The following ULK4 variants were observed in gnomAD, a reference collection of about 807,000 sequenced individuals.
ULK4 encodes inactive serine/threonine-protein kinase ULK4.
In ULK4, 133 loss-of-function variants were observed where a neutral mutation model predicts 160.6. That is an observed-to-expected ratio of 0.83 (90% confidence interval 0.72 to 0.96). The LOEUF (loss-of-function observed/expected upper bound fraction) is 0.96. Ranked by LOEUF, ULK4 falls within the 40% of genes least tolerant of loss-of-function variation. The pLI, the probability that ULK4 is intolerant of heterozygous loss-of-function variation, is 0.00. For synonymous variants in ULK4, 534 were observed against 539.8 expected, an observed-to-expected ratio of 0.99 and a Z score of 0.15; for missense variants, 1,580 against 1,499.5, an observed-to-expected ratio of 1.05 and a Z score of -0.89.
intron 32 of ULK4, among the ~76,000 whole-genome samples, chr3:41,480,188 C>A (rs1209592783): frequency 1.7e-5 from 2 of 119,728 alleles, no homozygotes; most frequent in East Asian, 4.7e-4. Context: ...GCCTGGGTGA[C>A]AGAGCGAGAC....
intron 29 of ULK4, among the ~76,000 whole-genome samples, chr3:41,666,446 T>C (rs572579040): frequency 6.6e-5 from 10 of 152,292 alleles, no homozygotes; most frequent in African/African-American, 2.4e-4. Flanking sequence ...TAACCCTTTA[T>C]AGCATACATC....
chr3:41,603,349 C>A (rs767762167), intron 31 of ULK4, among the ~76,000 whole-genome samples: 1 of 151,978 alleles, frequency 6.6e-6, no homozygotes, highest in Non-Finnish European at 1.5e-5. Flanking sequence ...GAAGTACAAA[C>A]TGGGAGAGAG....
At chr3:41,641,917 C>T (rs2125717887) in intron 30 of ULK4, among the ~76,000 whole-genome samples, 1 of 150,328 alleles carries the variant, frequency 6.7e-6, no homozygotes, top group African/African-American at 2.5e-5. Context: ...CTCTTGCTGC[C>T]CAGGCTGGAG....
At chr3:41,743,326 T>C (rs2038303442) in intron 22 of ULK4, among the ~76,000 whole-genome samples, 1 of 149,082 alleles carries the variant, frequency 6.7e-6, no homozygotes, top group Non-Finnish European at 1.5e-5. Flanking sequence ...TTTTAAAGAC[T>C]AAAAAGGAAA....
At chr3:41,504,096 T>C (rs2085300347) in intron 32 of ULK4, among the ~76,000 whole-genome samples, 2 of 152,192 alleles carry the variant, frequency 1.3e-5, no homozygotes, top group South Asian at 4.1e-4. Context: ...AGTATTTAGT[T>C]GGTCAGGTAG....
intron 35 of ULK4, among the ~76,000 whole-genome samples, chr3:41,301,490 C>T (rs28483255): frequency 0.08 from 12,104 of 152,074 alleles, 1,207 homozygotes; most frequent in African/African-American, 0.23. Context: ...AAAGATTTCA[C>T]ACCAATCCTA....
At chr3:41,886,871 C>G (rs1260073948) in intron 16 of ULK4, among the ~76,000 whole-genome samples, 3 of 152,174 alleles carry the variant, frequency 2.0e-5, no homozygotes, top group African/African-American at 7.2e-5. Flanking sequence ...CCGCGCCCAG[C>G]CTGGTGTGAA....
chr3:41,957,851 T>C (rs1222630350), intron 1 of ULK4, among the ~76,000 whole-genome samples: 1 of 151,916 alleles, frequency 6.6e-6, no homozygotes, highest in Non-Finnish European at 1.5e-5. Context: ...CTGGGAAACA[T>C]GGCAACACAT....
chr3:41,843,323 G>A (rs1372363051), intron 17 of ULK4, among the ~76,000 whole-genome samples: 1 of 152,186 alleles, frequency 6.6e-6, no homozygotes, highest in East Asian at 1.9e-4. Flanking sequence ...CAAGGATGAT[G>A]AGAAACAGAA....
intron 18 of ULK4, 46 bp downstream of exon 18, chr3:41,835,818 T>C: frequency 1.4e-6 from 2 of 1,401,574 alleles, no homozygotes; most frequent in South Asian, 1.2e-5. Context: ...AGCCAGAGTA[T>C]GTCAGAACAT....
chr3:41,438,696 G>A (rs943665650), intron 34 of ULK4, among the ~76,000 whole-genome samples: 1 of 151,966 alleles, frequency 6.6e-6, no homozygotes, highest in African/African-American at 2.4e-5. Flanking sequence ...GCATTGTGGT[G>A]CATGCATGTA....
chr3:41,714,596 T>G lies in ULK4; in HGVS notation c.2634+641A>C, dbSNP rs151112738. Among the ~76,000 whole-genome samples the G allele has an allele frequency of 1.9e-3, 294 of 152,258 alleles. 1 individual carries two copies. Among genetic ancestry groups the G allele is most frequent in the African/African-American group, 7.0e-3 (289 of 41,542 alleles). ...TAGCAAGGGAAAAAGATAACATAATTCATGAGCTAAACAAAAAGAATTTTT... is the reference window on the plus strand; with the variant it reads ...TAGCAAGGGAAAAAGATAACATAATGCATGAGCTAAACAAAAAGAATTTTT... On this transcript the variant is annotated intron_variant, in intron 25 of 36. Coordinates refer to ENST00000301831, the MANE Select transcript of ULK4 (RefSeq NM_017886.4).
intron 35 of ULK4, among the ~76,000 whole-genome samples, chr3:41,384,047 A>G (rs1199997591): frequency 2.6e-5 from 4 of 152,198 alleles, no homozygotes; most frequent in African/African-American, 7.2e-5. Context: ...GTATCTCTCC[A>G]AGCATGCCTT....
intron 21 of ULK4, among the ~76,000 whole-genome samples, chr3:41,766,284 T>C (rs2039161169): frequency 6.6e-6 from 1 of 152,070 alleles, no homozygotes; most frequent in African/African-American, 2.4e-5. Context: ...AAAAATCCAT[T>C]TAAAAATATG....
chr3:41,940,321 A>G (rs2148829629), intron 2 of ULK4, among the ~76,000 whole-genome samples: 1 of 152,138 alleles, frequency 6.6e-6, no homozygotes, highest in Non-Finnish European at 1.5e-5. Flanking sequence ...TTTGAGACTG[A>G]GCTCCCACCT....
Position 41,559,092 on chromosome 3 carries a change from G to A in ULK4, c.3226+6933C>T, listed in dbSNP as rs577264495. Among the ~76,000 whole-genome samples, 10 of 141,616 alleles carry A rather than the reference G, an allele frequency of 7.1e-5. No homozygotes were observed. The South Asian group carries it at 2.3e-3, about 33-fold the overall frequency. The allele number at this position is 141,616 out of a possible 152,430, so 92.9% of individuals were successfully genotyped here. On this transcript the variant is annotated intron_variant, in intron 32 of 36. Coordinates refer to ENST00000301831, the MANE Select transcript of ULK4 (RefSeq NM_017886.4). ...CTTCCTGTGTCCATATGTTCTCATT[G>A]TTCAATTCCCACCTATGAGTGAGAA...
chr3:41,566,018 C>T lies in ULK4; in HGVS notation c.3226+7G>A. On this transcript the variant is annotated splice_region_variant and intron_variant, in intron 32 of 36. Transcript: ENST00000301831. Reference sequence around the variant, plus strand: ...TTGATCAGAGAGTAATTCTATGAGGCATTTACCTTGTTCATAAAGTAGTTC... The same window carrying T: ...TTGATCAGAGAGTAATTCTATGAGGTATTTACCTTGTTCATAAAGTAGTTC... The T allele has an allele frequency of 6.2e-7, 1 of 1,607,724 alleles. No homozygotes were observed. The highest frequency in any genetic ancestry group is 1.1e-5 in the South Asian group (1 of 90,756).
At chr3:41,848,545 A>C (rs954767179) in intron 17 of ULK4, among the ~76,000 whole-genome samples, 7 of 152,174 alleles carry the variant, frequency 4.6e-5, no homozygotes, top group African/African-American at 1.7e-4. Context: ...CTCTTCAGAA[A>C]CACCTTTCCT....
In ULK4 at chr3:41,506,777, T is replaced by TAA. The variant is rs1559658166; in HGVS notation, c.3227-43525_3227-43524insTT. Reference sequence around the variant, plus strand: ...TGGAGTGTGATTTAAAATATATATATATATATATATATATATATATATATA... The same window carrying TAA: ...TGGAGTGTGATTTAAAATATATATATAAATATATATATATATATATATATATA... On this transcript the variant is annotated intron_variant, in intron 32 of 36. Coordinates refer to ENST00000301831, the MANE Select transcript of ULK4 (RefSeq NM_017886.4). Among the ~76,000 whole-genome samples, 47 of 17,410 alleles carry TAA rather than the reference T, an allele frequency of 2.7e-3. 1 individual carries two copies. Among genetic ancestry groups the TAA allele is most frequent in the Non-Finnish European group, 3.8e-3 (23 of 6,018 alleles). The allele number at this position is 17,410 out of a possible 152,430, so 11.4% of individuals were successfully genotyped here.
Sources: gnomAD v4.1 joint callset for allele counts (sites outside exome capture counted in the v4.1 genomes callset) on GRCh38, gnomAD v4.1.1 for gene constraint, MANE v1.5 for transcripts, NCBI Gene and HGNC (gene_info 2026-07-23, HGNC 2026-07-21) for gene names.